The following PLCE1 variants were observed in gnomAD, a reference collection of about 807,000 sequenced individuals.
PLCE1 encodes the protein 1-phosphatidylinositol 4,5-bisphosphate phosphodiesterase epsilon-1.
A neutral mutation model predicts 242.8 loss-of-function variants in PLCE1; 119 were observed. The observed-to-expected ratio is 0.49, with a 90% CI of 0.42 to 0.57. The LOEUF (loss-of-function observed/expected upper bound fraction) is 0.57. Among genes scored for constraint, PLCE1 ranks in the 20% least tolerant of loss-of-function variants. The pLI is 0.00. For synonymous variants in PLCE1, 945 were observed against 1,017.4 expected (o/e 0.93, Z 1.35); for missense variants, 2,441 against 2,788.8 (o/e 0.88, Z 2.81).
chr10:94,037,558 G>A (rs562797633), intron 2 of PLCE1, among the ~76,000 whole-genome samples: 13 of 152,266 alleles, frequency 8.5e-5, no homozygotes, highest in Admixed American at 7.8e-4. Context: ...CTTTCATTAC[G>A]AAGGGTAGTG....
chr10:94,150,884 C>T (rs968099745), intron 3 of PLCE1, among the ~76,000 whole-genome samples: 2 of 152,188 alleles, frequency 1.3e-5, no homozygotes, highest in African/African-American at 4.8e-5. Flanking sequence ...GCCTGCAGCC[C>T]TGATTTGCAC....
Position 94,316,632 on chromosome 10 carries a change from A to C in PLCE1, c.6218A>C (p.Asn2073Thr). Residue 2073 changes from asparagine to threonine, a missense_variant, in exon 29 of 33, where the codon AAT (asparagine) becomes ACT (threonine). Coordinates refer to ENST00000371380, the MANE Select transcript of PLCE1 (RefSeq NM_016341.4). ...EEKYFISKEK[N>T]ECRKQPFQRA... The stretch of plus-strand genomic sequence containing the variant: ...AAATATTTTATATCTAAAGAAAAGA[A>C]TGAATGTAGGAAACAACCATTCCAG... 6.2e-7 allele frequency: 1 copy of C among 1,609,650 alleles called. No individual in the cohort carries two copies. Among genetic ancestry groups the C allele is most frequent in the Non-Finnish European group, 8.5e-7 (1 of 1,175,894 alleles).
intron 4 of PLCE1, among the ~76,000 whole-genome samples, chr10:94,225,613 G>A (rs761257988): frequency 2.6e-5 from 4 of 152,088 alleles, no homozygotes; most frequent in Non-Finnish European, 5.9e-5. Context: ...CCTGGGCAAC[G>A]AAGCAAGATT....
intron 3 of PLCE1, among the ~76,000 whole-genome samples, chr10:94,164,703 A>G (rs140594870): frequency 0.016 from 2,424 of 152,232 alleles, 26 homozygotes; most frequent in Non-Finnish European, 0.024. Context: ...TTGGAGGAGG[A>G]GAGGCACTCT....
intron 4 of PLCE1, among the ~76,000 whole-genome samples, chr10:94,181,033 C>T (rs2048294539): frequency 6.6e-6 from 1 of 152,238 alleles, no homozygotes; most frequent in South Asian, 2.1e-4. Flanking sequence ...ACCTGTGCTC[C>T]CAGTTGGGGC....
chr10:93,995,881 T>C (rs1184186361), intron 1 of PLCE1, among the ~76,000 whole-genome samples: 2 of 152,256 alleles, frequency 1.3e-5, no homozygotes, highest in Non-Finnish European at 2.9e-5. Flanking sequence ...TGAAGGCGGT[T>C]GGTTTTGTTT....
At chr10:94,206,145 G>A (rs2049151713) in intron 4 of PLCE1, among the ~76,000 whole-genome samples, 1 of 152,132 alleles carries the variant, frequency 6.6e-6, no homozygotes, top group Non-Finnish European at 1.5e-5. Context: ...GAGTGATGAG[G>A]GAAAGCCTTA....
rs759022354 is a variant in PLCE1 at position 94,246,469 on chromosome 10, G to A, written c.2944G>A (p.Asp982Asn). 2 of 1,614,202 alleles carry A rather than the reference G, an allele frequency of 1.2e-6. No individual in the cohort carries two copies. Among genetic ancestry groups the A allele is most frequent in the East Asian group, 2.2e-5 (1 of 44,878 alleles). Residue 982 changes from aspartate (D) to asparagine (N), a missense_variant, in exon 8 of 33, where the codon GAC becomes AAC. Physicochemically the swap from Asp to Asn is conservative, Grantham distance 23. This residue lies in a region of PLCE1 where 1,004 missense variants were observed against 1,322.7 expected (regional missense o/e 0.76). Coordinates refer to ENST00000371380, the MANE Select transcript of PLCE1 (RefSeq NM_016341.4). ...ATTGCTCTATGGGCTTCAGACCACA[G>A]ACAACAGATTATTGCACTTCGTGGC... ...VTLLYGLQTT[D>N]NRLLHFVAPK...
chr10:94,272,622 C>T (rs541135435), intron 18 of PLCE1, among the ~76,000 whole-genome samples: 51 of 152,268 alleles, frequency 3.3e-4, no homozygotes, highest in African/African-American at 7.5e-4. Flanking sequence ...ATTTTGGGAA[C>T]GATAAACGTC....
At chr10:94,074,242 G>T (rs2044441374) in intron 2 of PLCE1, among the ~76,000 whole-genome samples, 1 of 150,066 alleles carries the variant, frequency 6.7e-6, no homozygotes, top group Non-Finnish European at 1.5e-5. Flanking sequence ...AGCCAGGCTG[G>T]AGTGCAGTGG....
intron 28 of PLCE1, among the ~76,000 whole-genome samples, chr10:94,314,077 G>T (rs2053484163): frequency 6.6e-6 from 1 of 152,156 alleles, no homozygotes. Flanking sequence ...CCCTCCGAAG[G>T]ATCTTTGTGG....
At position 94,328,731 on chromosome 10, in the gene PLCE1, C is replaced by T. The variant is rs1192895799; in HGVS notation, c.*788C>T. 1 of 152,138 alleles carries T rather than the reference C, an allele frequency of 6.6e-6. No homozygotes were observed. The highest frequency in any genetic ancestry group is 6.5e-5 in the Admixed American group (1 of 15,278). 9.4% of individuals were successfully genotyped at this position (152,138 alleles called of 1,614,324 possible). ...AATTTAGTTCCTGTATTGTGTACCA[C>T]AGTGCACTCCTCTTTAGGATTTTTT... On this transcript the variant is annotated 3_prime_UTR_variant, in exon 33 of 33. Coordinates refer to ENST00000371380, the MANE Select transcript of PLCE1 (RefSeq NM_016341.4).
intron 4 of PLCE1, among the ~76,000 whole-genome samples, chr10:94,218,239 A>G (rs888374562): frequency 6.6e-6 from 1 of 152,214 alleles, no homozygotes; most frequent in African/African-American, 2.4e-5. Context: ...GTTCTAGAAT[A>G]AGAACACTAG....
At chr10:94,327,939 C>T (rs2054092407) in intron 32 of PLCE1, 29 bp from the exon 33 acceptor site, 1 of 527,222 alleles carries the variant, frequency 1.9e-6, no homozygotes, top group Admixed American at 2.0e-5. Context: ...TTTCAGTATA[C>T]TAATAAGCCT....
intron 3 of PLCE1, among the ~76,000 whole-genome samples, chr10:94,144,865 C>T (rs1414146562): frequency 6.6e-6 from 1 of 152,146 alleles, no homozygotes; most frequent in Non-Finnish European, 1.5e-5. Flanking sequence ...GGCACTGTGA[C>T]AAGTGTTTTT....
chr10:94,305,700 T>A (rs2053177786), intron 25 of PLCE1, among the ~76,000 whole-genome samples: 1 of 152,222 alleles, frequency 6.6e-6, no homozygotes, highest in Non-Finnish European at 1.5e-5. Context: ...GTGAATTAGT[T>A]CCTAACACGT....
chr10:94,216,727 C>T (rs1426067644), intron 4 of PLCE1, among the ~76,000 whole-genome samples: 1 of 152,034 alleles, frequency 6.6e-6, no homozygotes, highest in Non-Finnish European at 1.5e-5. Flanking sequence ...AGATACATGA[C>T]AGAATAGGAA....
chr10:94,313,568 C>T lies in PLCE1; in HGVS notation c.6132+186C>T, dbSNP rs6583935. ...ACATTGAGATCCACTCCAAGAATCA[C>T]CTGATGGATCTTGGTACCACTAGAC... On this transcript the variant is annotated intron_variant, in intron 28 of 32. Transcript: ENST00000371380. Among the ~76,000 whole-genome samples, 49,388 of 152,034 alleles carry T rather than the reference C, an allele frequency of 0.32. 8,300 individuals carry two copies. The highest frequency in any genetic ancestry group is 0.48 in the Middle Eastern group (142 of 294).
rs764160969 is a variant in PLCE1 at position 94,321,897 on chromosome 10, A to G, written c.6343-4A>G. The G allele has an allele frequency of 5.0e-6, 8 of 1,610,190 alleles. No individual in the cohort carries two copies. In the East Asian group the frequency reaches 8.9e-5, roughly 18 times the overall value. On this transcript the variant is annotated splice_region_variant and splice_polypyrimidine_tract_variant and intron_variant, in intron 29 of 32. Coordinates refer to ENST00000371380, the MANE Select transcript of PLCE1 (RefSeq NM_016341.4). ...TTACTCACATTTTTTCTTTTTAAACATAGAACCTAGAAGAGAAAAACATTG... is the reference window on the plus strand; with the variant it reads ...TTACTCACATTTTTTCTTTTTAAACGTAGAACCTAGAAGAGAAAAACATTG...
Sources: gnomAD v4.1 joint callset for allele counts (sites outside exome capture counted in the v4.1 genomes callset) on GRCh38, gnomAD v4.1.1 for gene constraint, gnomAD v4.1.1 regional missense constraint, MANE v1.5 for transcripts, NCBI Gene and HGNC (gene_info 2026-07-23, HGNC 2026-07-21) for gene names.